CYP19A1: variants seen among roughly 807,000 people sequenced by gnomAD.
The protein encoded by CYP19A1 is aromatase.
In CYP19A1, 32 loss-of-function variants were observed where a neutral mutation model predicts 44.4. That is an observed-to-expected ratio of 0.72 (90% confidence interval 0.54 to 0.97). CYP19A1 has a LOEUF of 0.97. CYP19A1 is among the 50% of genes least tolerant of loss of function. The pLI, the probability that CYP19A1 is intolerant of heterozygous loss-of-function variation, is 0.00. For missense variants in CYP19A1, 598 were observed against 637.8 expected (o/e 0.94, Z 0.67); for synonymous variants, 212 against 215.6 (o/e 0.98, Z 0.14).
chr15:51,279,404 G>C (rs553535558), intron 1 of CYP19A1, among the ~76,000 whole-genome samples: 1 of 152,314 alleles, frequency 6.6e-6, no homozygotes, highest in South Asian at 2.1e-4. Context: ...GCTGGTCACT[G>C]TCAGATTGGC....
chr15:51,233,494 G>A (rs1451010961), intron 3 of CYP19A1, among the ~76,000 whole-genome samples: 1 of 152,192 alleles, frequency 6.6e-6, no homozygotes, highest in African/African-American at 2.4e-5. Flanking sequence ...AAGTTTTCAA[G>A]AAATATTTAA....
At chr15:51,286,547 G>A (rs2035704545) in intron 1 of CYP19A1, among the ~76,000 whole-genome samples, 1 of 152,314 alleles carries the variant, frequency 6.6e-6, no homozygotes, top group South Asian at 2.1e-4. Flanking sequence ...TCAAAGCCAA[G>A]TGTGCCCTGA....
At chr15:51,234,370 C>T (rs1331889761) in intron 3 of CYP19A1, among the ~76,000 whole-genome samples, 5 of 152,118 alleles carry the variant, frequency 3.3e-5, no homozygotes, top group Non-Finnish European at 7.4e-5. Context: ...GTTGTGGCTG[C>T]GTCTCAGCGT....
In CYP19A1 at chr15:51,215,823, A is replaced by T. The variant is rs769751695; in HGVS notation, c.744-6T>A. The T allele has an allele frequency of 6.2e-7, 1 of 1,613,474 alleles. No homozygotes were observed. Among genetic ancestry groups the T allele is most frequent in the South Asian group, 1.1e-5 (1 of 91,082 alleles). On this transcript the variant is annotated splice_polypyrimidine_tract_variant and splice_region_variant and intron_variant, in intron 6 of 9. Transcript: ENST00000396402. ...TGGCATCTTTCAAATCCTTGCTGGA[A>T]AAAAAGTCAAAATATTGTCTATTTT...
intron 1 of CYP19A1, among the ~76,000 whole-genome samples, chr15:51,294,410 T>C (rs1014322160): frequency 6.8e-6 from 1 of 146,126 alleles, no homozygotes; most frequent in African/African-American, 2.6e-5. Context: ...CCGCCCCGTC[T>C]GAGAAGTGAG....
At chr15:51,304,890 C>CATTTTTTTTTTTTTTTTTT (rs1555398466) in intron 1 of CYP19A1, among the ~76,000 whole-genome samples, 1 of 104,572 alleles carries the variant, frequency 9.6e-6, no homozygotes. Flanking sequence ...GTGTCTCTTC[C>CATTTTTTTTTTTTTTTTTT]TTTTTTTTTT....
intron 1 of CYP19A1, chr15:51,293,759 G>T: frequency 6.1e-6 from 1 of 163,002 alleles, no homozygotes; most frequent in Non-Finnish European, 1.3e-5. Flanking sequence ...GGGTTCCCCT[G>T]TGTTGGCCGG....
chr15:51,270,273 T>G (rs574724551), intron 1 of CYP19A1, among the ~76,000 whole-genome samples: 1 of 152,312 alleles, frequency 6.6e-6, no homozygotes, highest in African/African-American at 2.4e-5. Flanking sequence ...ACAATTGGAT[T>G]TTGTATGCTA....
Position 51,252,976 on chromosome 15 carries a change from G to A in CYP19A1, c.-38-10026C>T, listed in dbSNP as rs28521359. On this transcript the variant is annotated intron_variant, in intron 1 of 9. Transcript: ENST00000396402. ...GGTCTTGAAAGAAAAGCATTACTCT[G>A]CAAGATACCAAGCTGAGGAAGGGCA... Among the ~76,000 whole-genome samples, 579 of 152,250 alleles carry A rather than the reference G, an allele frequency of 3.8e-3. 6 individuals are homozygous for A. Among genetic ancestry groups the A allele is most frequent in the African/African-American group, 0.013 (551 of 41,542 alleles).
At chr15:51,239,512 T>C (rs566192160) in intron 2 of CYP19A1, among the ~76,000 whole-genome samples, 6 of 152,218 alleles carry the variant, frequency 3.9e-5, no homozygotes, top group East Asian at 3.9e-4. Flanking sequence ...CTTAGAAACA[T>C]ACTATTGAGC....
chr15:51,285,609 C>T (rs1346975874), intron 1 of CYP19A1, among the ~76,000 whole-genome samples: 14 of 152,312 alleles, frequency 9.2e-5, no homozygotes, highest in African/African-American at 3.4e-4. Flanking sequence ...TTGCTGGCTC[C>T]TTGCTTCTAG....
At chr15:51,326,986 C>G (rs1456687085) in intron 1 of CYP19A1, among the ~76,000 whole-genome samples, 1 of 152,194 alleles carries the variant, frequency 6.6e-6, no homozygotes, top group Non-Finnish European at 1.5e-5. Context: ...CAAGCTCAGT[C>G]TTTTGAATCC....
intron 1 of CYP19A1, among the ~76,000 whole-genome samples, chr15:51,303,383 T>TA (rs76026215): frequency 2.4e-4 from 35 of 145,880 alleles, no homozygotes; most frequent in Admixed American, 4.8e-4. Context: ...CTATGCCCTT[T>TA]AAAAAAAAAA....
intron 8 of CYP19A1, among the ~76,000 whole-genome samples, chr15:51,213,597 C>A (rs946663107): frequency 1.3e-5 from 2 of 152,082 alleles, no homozygotes. Flanking sequence ...AAGTAGTTAG[C>A]GAGTCTGTGT....
At chr15:51,228,087 T>C (rs1008605680) in intron 3 of CYP19A1, among the ~76,000 whole-genome samples, 154 bp from the exon 4 acceptor site, 1 of 152,246 alleles carries the variant, frequency 6.6e-6, no homozygotes, top group African/African-American at 2.4e-5. Flanking sequence ...AGCACTTCTG[T>C]TAGCATGAGG....
At chr15:51,271,621 G>C (rs1001515348) in intron 1 of CYP19A1, among the ~76,000 whole-genome samples, 1 of 152,108 alleles carries the variant, frequency 6.6e-6, no homozygotes, top group Non-Finnish European at 1.5e-5. Context: ...TTAGTTCTAG[G>C]GATCCCACCA....
At chr15:51,281,143 C>G (rs1219389587) in intron 1 of CYP19A1, among the ~76,000 whole-genome samples, 1 of 152,214 alleles carries the variant, frequency 6.6e-6, no homozygotes, top group East Asian at 1.9e-4. Flanking sequence ...CAGCAGACAA[C>G]ATTTCTAGAA....
intron 1 of CYP19A1, among the ~76,000 whole-genome samples, chr15:51,260,899 A>G (rs889133015): frequency 6.6e-6 from 1 of 152,140 alleles, no homozygotes; most frequent in Non-Finnish European, 1.5e-5. Context: ...TTTTCACTCT[A>G]TTAAATCTTG....
At chr15:51,326,944 C>T (rs988163015) in intron 1 of CYP19A1, among the ~76,000 whole-genome samples, 8 of 152,180 alleles carry the variant, frequency 5.3e-5, no homozygotes, top group African/African-American at 1.9e-4. Flanking sequence ...TTGCCCATGA[C>T]CATACAGGTA....
Sources: gnomAD v4.1 joint callset for allele counts (sites outside exome capture counted in the v4.1 genomes callset) on GRCh38, gnomAD v4.1.1 for gene constraint, MANE v1.5 for transcripts, NCBI Gene and HGNC (gene_info 2026-07-23, HGNC 2026-07-21) for gene names.